Variants in NRXN1 observed in about 807,000 individuals in gnomAD.
NRXN1 encodes neurexin-1.
In NRXN1, 39 loss-of-function variants were observed where a neutral mutation model predicts 150.9. That is an observed-to-expected ratio of 0.26 (90% CI 0.20 to 0.34). The LOEUF (loss-of-function observed/expected upper bound fraction) is 0.34. Among genes scored for constraint, NRXN1 ranks in the 10% least tolerant of loss-of-function variants. The pLI, the probability that NRXN1 is intolerant of heterozygous loss-of-function variation, is 1.00. For missense variants in NRXN1, 1,815 were observed against 1,949.9 expected (o/e 0.93, Z 1.30); for synonymous variants, 924 against 757.0 (o/e 1.22, Z -3.62).
intron 17 of NRXN1, among the ~76,000 whole-genome samples, chr2:50,276,133 A>T (rs1574880316): frequency 1.3e-5 from 2 of 152,130 alleles, no homozygotes; most frequent in East Asian, 3.8e-4. Context: ...ACTCAAGAAC[A>T]ACCACAACAA....
Position 50,347,200 on chromosome 2 carries a change from C to T in NRXN1, c.3365-110230G>A, listed in dbSNP as rs1400638685. 2.2e-6 allele frequency: 3 copies of T among 1,347,786 alleles called. No individual in the cohort carries two copies. The highest frequency in any genetic ancestry group is 2.9e-6 in the Non-Finnish European group (3 of 1,028,172). 83.5% of individuals were successfully genotyped at this position (1,347,786 alleles called of 1,614,324 possible). A position where few individuals can be genotyped will look rare whatever the true frequency, so the allele number is the denominator to read the frequency against. On this transcript the variant is annotated intron_variant, in intron 17 of 22. Transcript: ENST00000401669. This position sits in a 1 kb window ranked among gnomAD's most constrained non-coding sequence, Gnocchi z 4.9. Reference sequence around the variant, plus strand: ...CTGGAGAGGGGCTTGTCCGGAAAGGCAGCCCCGGGAACAGCAAGCGCGGAG... The same window carrying T: ...CTGGAGAGGGGCTTGTCCGGAAAGGTAGCCCCGGGAACAGCAAGCGCGGAG...
intron 5 of NRXN1, among the ~76,000 whole-genome samples, chr2:50,888,267 A>G (rs1430441265): frequency 6.6e-6 from 1 of 151,652 alleles, no homozygotes; most frequent in Admixed American, 6.6e-5. Context: ...GAAAGAAGGG[A>G]TTGGTCAAGA....
chr2:50,268,190 A>G (rs774006293), intron 17 of NRXN1, among the ~76,000 whole-genome samples: 3 of 152,190 alleles, frequency 2.0e-5, no homozygotes, highest in Non-Finnish European at 2.9e-5. Flanking sequence ...TCTGACTCAA[A>G]ATAATAAAAT....
At chr2:50,097,377 T>C (rs1327560740) in intron 18 of NRXN1, among the ~76,000 whole-genome samples, 2 of 152,172 alleles carry the variant, frequency 1.3e-5, no homozygotes, top group Non-Finnish European at 2.9e-5. Flanking sequence ...GCTCTCTCTA[T>C]GCTTGTACTC....
intron 12 of NRXN1, among the ~76,000 whole-genome samples, chr2:50,514,000 T>A (rs1208588856): frequency 1.3e-5 from 2 of 152,156 alleles, no homozygotes; most frequent in Admixed American, 6.5e-5. Context: ...CTGCTTCTGG[T>A]ATATATATAC....
At chr2:50,890,641 G>A (rs1254793619) in intron 5 of NRXN1, among the ~76,000 whole-genome samples, 2 of 151,624 alleles carry the variant, frequency 1.3e-5, no homozygotes, top group East Asian at 3.9e-4. Context: ...TGTGATTATT[G>A]CAGGAGAACT....
intron 8 of NRXN1, among the ~76,000 whole-genome samples, chr2:50,587,312 C>T (rs1673318641): frequency 6.6e-6 from 1 of 152,276 alleles, no homozygotes; most frequent in African/African-American, 2.4e-5. Flanking sequence ...TGGTGAAACA[C>T]CGTCTCCACT....
intron 18 of NRXN1, among the ~76,000 whole-genome samples, chr2:50,209,933 T>C (rs1226530656): frequency 2.6e-5 from 4 of 152,050 alleles, no homozygotes; most frequent in African/African-American, 7.2e-5. Flanking sequence ...ATACTATATA[T>C]GTACTGTTCT....
intron 21 of NRXN1, among the ~76,000 whole-genome samples, chr2:50,019,851 G>C (rs1294089779): frequency 1.1e-4 from 16 of 147,026 alleles, no homozygotes; most frequent in African/African-American, 4.0e-4. Flanking sequence ...CGGAGGCTGA[G>C]GCAGGAGAAT....
intron 17 of NRXN1, among the ~76,000 whole-genome samples, chr2:50,264,267 C>G (rs114841869): frequency 1.3e-3 from 196 of 152,052 alleles, no homozygotes; most frequent in Non-Finnish European, 2.5e-3. Flanking sequence ...AAATCAGTCA[C>G]AATTGAACGC....
intron 17 of NRXN1, among the ~76,000 whole-genome samples, chr2:50,257,365 T>C (rs1293847262): frequency 6.6e-6 from 1 of 152,082 alleles, no homozygotes; most frequent in Non-Finnish European, 1.5e-5. Flanking sequence ...CAGTAAAGGA[T>C]ATTGCTTGTA....
At chr2:50,593,201 C>T (rs79912359) in intron 8 of NRXN1, among the ~76,000 whole-genome samples, 6,937 of 152,144 alleles carry the variant, frequency 0.046, 173 homozygotes, top group Middle Eastern at 0.088. Context: ...AATACTGTGG[C>T]GGGATAAATA....
chr2:49,959,849 C>T (rs1675608138), intron 21 of NRXN1, among the ~76,000 whole-genome samples: 2 of 152,136 alleles, frequency 1.3e-5, no homozygotes, highest in South Asian at 4.1e-4. Flanking sequence ...ATAAAGTAGG[C>T]AAAACCCCAG....
At chr2:50,754,838 G>A (rs1317743833) in intron 5 of NRXN1, among the ~76,000 whole-genome samples, 2 of 151,844 alleles carry the variant, frequency 1.3e-5, no homozygotes, top group Non-Finnish European at 2.9e-5. Context: ...AAAATGTCAA[G>A]TTGTTTTTAT....
chr2:49,943,574 C>A (rs908707961), intron 22 of NRXN1, 130 bp downstream of exon 22: 40 of 688,600 alleles, frequency 5.8e-5, no homozygotes, highest in Non-Finnish European at 1.0e-4. Flanking sequence ...AATAAGAGTC[C>A]TCATCTCACA....
intron 15 of NRXN1, among the ~76,000 whole-genome samples, chr2:50,483,687 A>T (rs1259534466): frequency 6.6e-6 from 1 of 152,210 alleles, no homozygotes; most frequent in Non-Finnish European, 1.5e-5. Context: ...TAATAATGCC[A>T]GCACTTCAGC....
At chr2:50,262,490 T>C (rs1365058121) in intron 17 of NRXN1, among the ~76,000 whole-genome samples, 1 of 151,976 alleles carries the variant, frequency 6.6e-6, no homozygotes, top group Non-Finnish European at 1.5e-5. Flanking sequence ...ACTACTGTTA[T>C]ACTAAAAAGG....
intron 18 of NRXN1, among the ~76,000 whole-genome samples, chr2:50,164,358 T>C (rs1026571194): frequency 6.6e-6 from 1 of 152,174 alleles, no homozygotes; most frequent in Non-Finnish European, 1.5e-5. Context: ...CTCTTTTGCA[T>C]AAGATACACA....
intron 17 of NRXN1, among the ~76,000 whole-genome samples, chr2:50,387,710 CG>C (rs948359255): frequency 2.6e-5 from 4 of 152,018 alleles, no homozygotes; most frequent in African/African-American, 9.7e-5. Flanking sequence ...AGCTTCTCTT[CG>C]GGGAATCTGT....
Sources: allele counts gnomAD v4.1 joint callset (sites outside exome capture counted in the v4.1 genomes callset), GRCh38; gene constraint gnomAD v4.1.1; non-coding constraint Gnocchi (gnomAD v3.1); transcripts MANE v1.5; gene names NCBI Gene and HGNC (gene_info 2026-07-23, HGNC 2026-07-21).